OXR1: variants seen among roughly 807,000 people sequenced by gnomAD.
OXR1 encodes the protein oxidation resistance 1.
In OXR1, 41 loss-of-function variants were observed where a neutral mutation model predicts 104.6. That is an observed-to-expected ratio of 0.39 (90% CI 0.31 to 0.51). The LOEUF (loss-of-function observed/expected upper bound fraction) is 0.51. OXR1 is among the 20% of genes least tolerant of loss of function. The pLI, the probability that OXR1 is intolerant of heterozygous loss-of-function variation, is 0.77. For synonymous variants in OXR1, 348 were observed against 348.4 expected (o/e 1.00, Z 0.01); for missense variants, 955 against 1,031.9 (o/e 0.93, Z 1.02).
chr8:106,730,207 T>C (rs1833753372), intron 11 of OXR1, among the ~76,000 whole-genome samples: 1 of 152,186 alleles, frequency 6.6e-6, no homozygotes, highest in South Asian at 2.1e-4. Flanking sequence ...TAGTGTGATA[T>C]ATGTTACAGT....
At chr8:106,677,706 G>C (rs1346189952) in intron 3 of OXR1, among the ~76,000 whole-genome samples, 2 of 151,896 alleles carry the variant, frequency 1.3e-5, no homozygotes, top group African/African-American at 4.8e-5. Flanking sequence ...TAGTTTTTAA[G>C]AGTTCTTTAA....
At chr8:106,587,067 G>T (rs1234970776) in intron 3 of OXR1, among the ~76,000 whole-genome samples, 1 of 152,210 alleles carries the variant, frequency 6.6e-6, no homozygotes, top group East Asian at 1.9e-4. Context: ...GAAAGTAACA[G>T]AGTATTTTTA....
chr8:106,309,659 T>C (rs1396378113), intron 1 of OXR1, among the ~76,000 whole-genome samples: 1 of 151,740 alleles, frequency 6.6e-6, no homozygotes, highest in Non-Finnish European at 1.5e-5. Flanking sequence ...GAGATAAAAT[T>C]TGTTTTCACA....
Position 106,737,003 on chromosome 8 carries a change from T to C in OXR1, c.1957-517T>C, listed in dbSNP as rs565929357. 2.0e-5 allele frequency among the ~76,000 whole-genome samples: 3 copies of C among 152,276 alleles called. No individual in the cohort carries two copies. In the South Asian group the frequency reaches 6.2e-4, roughly 32 times the overall value. ...CCATAGGTTTTAAAATGTACTTCTA[T>C]ATTGTTTTCTTGCTCTTCTCTCCTC... On this transcript the variant is annotated intron_variant, in intron 11 of 16. Coordinates refer to ENST00000517566, the MANE Select transcript of OXR1 (RefSeq NM_001198533.2).
At position 106,689,903 on chromosome 8, in the gene OXR1, A is replaced by G. The variant is rs190937981; in HGVS notation, c.526-2825A>G. On this transcript the variant is annotated intron_variant, in intron 6 of 16. Coordinates refer to ENST00000517566, the MANE Select transcript of OXR1 (RefSeq NM_001198533.2). ...CAATTTTAGTTAGGAATATCAAAGT[A>G]GTTTGAAAAGGTTAAATATCGCCTG... Among the ~76,000 whole-genome samples the G allele has an allele frequency of 1.3e-3, 201 of 152,010 alleles. 1 individual carries two copies. The highest frequency in any genetic ancestry group is 4.8e-3 in the African/African-American group (200 of 41,540).
At chr8:106,360,720 TTATTA>T (rs1356224802) in intron 2 of OXR1, among the ~76,000 whole-genome samples, 3 of 152,132 alleles carry the variant, frequency 2.0e-5, no homozygotes, top group African/African-American at 7.2e-5. Flanking sequence ...GTATGTTTTC[TTATTA>T]TATTATTATT....
At chr8:106,397,375 C>T (rs1041716348) in intron 2 of OXR1, among the ~76,000 whole-genome samples, 26 of 152,000 alleles carry the variant, frequency 1.7e-4, no homozygotes, top group South Asian at 4.1e-4. Flanking sequence ...GTACATGGGT[C>T]GGAAGGAGCC....
chr8:106,309,239 CCCATAGTATTG>C (rs1813596872), intron 1 of OXR1, among the ~76,000 whole-genome samples: 1 of 152,156 alleles, frequency 6.6e-6, no homozygotes, highest in Non-Finnish European at 1.5e-5. Flanking sequence ...GCTTCAGCCT[CCCATAGTATTG>C]AGATTACAGG....
intron 2 of OXR1, among the ~76,000 whole-genome samples, chr8:106,476,427 C>T (rs1404251990): frequency 2.6e-5 from 4 of 151,936 alleles, no homozygotes; most frequent in Non-Finnish European, 4.4e-5. Context: ...TGATGTCTAT[C>T]ATTTCCCTTC....
At chr8:106,708,130 T>A (rs998581333) in intron 9 of OXR1, among the ~76,000 whole-genome samples, 2 of 152,038 alleles carry the variant, frequency 1.3e-5, no homozygotes, top group Non-Finnish European at 2.9e-5. Flanking sequence ...GGTGGCTCAC[T>A]CCTGTAATCC....
intron 2 of OXR1, among the ~76,000 whole-genome samples, chr8:106,496,789 C>A (rs1811442141): frequency 6.6e-6 from 1 of 152,170 alleles, no homozygotes; most frequent in South Asian, 2.1e-4. Flanking sequence ...ATTACAGTCG[C>A]ACTTATGATT....
intron 3 of OXR1, among the ~76,000 whole-genome samples, chr8:106,649,288 A>G (rs1824347434): frequency 6.6e-6 from 1 of 152,058 alleles, no homozygotes; most frequent in Non-Finnish European, 1.5e-5. Context: ...AAAGAAACAC[A>G]CATGCATATA....
At chr8:106,534,322 A>G (rs181323590) in intron 3 of OXR1, among the ~76,000 whole-genome samples, 1 of 152,350 alleles carries the variant, frequency 6.6e-6, no homozygotes, top group African/African-American at 2.4e-5. Context: ...TGAATCAAGA[A>G]TCTATTTATC....
chr8:106,585,444 A>C (rs1340561059), intron 3 of OXR1, among the ~76,000 whole-genome samples: 1 of 152,212 alleles, frequency 6.6e-6, no homozygotes, highest in Middle Eastern at 3.4e-3. Context: ...CCAGATTAGA[A>C]TTTCTCTTTT....
chr8:106,453,127 G>A (rs916830376), intron 2 of OXR1, among the ~76,000 whole-genome samples: 18 of 152,146 alleles, frequency 1.2e-4, no homozygotes, highest in African/African-American at 3.6e-4. Context: ...CTGGTCAGAT[G>A]TGACTGCCCC....
intron 2 of OXR1, among the ~76,000 whole-genome samples, chr8:106,490,011 G>A (rs915138960): frequency 1.3e-5 from 2 of 152,124 alleles, no homozygotes; most frequent in Non-Finnish European, 2.9e-5. Flanking sequence ...TGGAATGTGG[G>A]ATCACCCAAC....
chr8:106,733,566 CTT>C, intron 11 of OXR1, among the ~76,000 whole-genome samples: 1 of 152,078 alleles, frequency 6.6e-6, no homozygotes, highest in Middle Eastern at 3.4e-3. Context: ...TTTTAAAAAA[CTT>C]TTTTAAATGG....
intron 1 of OXR1, among the ~76,000 whole-genome samples, chr8:106,298,946 T>C (rs1211574425): frequency 2.0e-5 from 3 of 152,050 alleles, no homozygotes; most frequent in Admixed American, 6.6e-5. Flanking sequence ...TGTGTGTCTA[T>C]GTGTATTTTG....
intron 3 of OXR1, among the ~76,000 whole-genome samples, chr8:106,674,364 C>G (rs1433673293): frequency 1.3e-5 from 2 of 152,152 alleles, no homozygotes; most frequent in African/African-American, 2.4e-5. Context: ...TTTGGTTTGC[C>G]TAATTTCTAC....
Sources: gnomAD v4.1 joint callset for allele counts (sites outside exome capture counted in the v4.1 genomes callset) on GRCh38, gnomAD v4.1.1 for gene constraint, MANE v1.5 for transcripts, NCBI Gene and HGNC (gene_info 2026-07-23, HGNC 2026-07-21) for gene names.